RALGAPA1: variants seen among roughly 807,000 people sequenced by gnomAD.
The protein encoded by RALGAPA1 is ral GTPase-activating protein subunit alpha-1.
A neutral mutation model predicts 269.6 loss-of-function variants in RALGAPA1; 52 were observed. The observed-to-expected ratio is 0.19, with a 90% CI of 0.15 to 0.24. The LOEUF (loss-of-function observed/expected upper bound fraction) is 0.24. Among genes scored for constraint, RALGAPA1 ranks in the 10% least tolerant of loss-of-function variants. The pLI is 1.00. For synonymous variants in RALGAPA1, 817 were observed against 1,008.3 expected, an observed-to-expected ratio of 0.81 and a Z score of 3.60; for missense variants, 1,917 against 3,013.9, an observed-to-expected ratio of 0.64 and a Z score of 8.52.
In RALGAPA1 at chr14:35,651,887, A is replaced by C; in HGVS notation, c.5608-14T>G. 1 of 1,594,354 alleles carries C rather than the reference A, an allele frequency of 6.3e-7. No individual in the cohort carries two copies. ...AGCTATTAGGATCTGTAAGCAAAAA[A>C]AAATTTTTTTAAAAGCTCTATATAT... On this transcript the variant is annotated splice_polypyrimidine_tract_variant and intron_variant, in intron 30 of 41. Transcript: ENST00000680220.
chr14:35,545,778 A>C (rs2054399984), intron 41 of RALGAPA1, among the ~76,000 whole-genome samples: 1 of 152,042 alleles, frequency 6.6e-6, no homozygotes, highest in Admixed American at 6.5e-5. Flanking sequence ...TCTTATTACA[A>C]AATAAAAAAA....
rs200123654 is a variant in RALGAPA1, at chr14:35,792,815, A to C, written c.106+15915T>G. Among the ~76,000 whole-genome samples, 6 of 131,134 alleles carry C rather than the reference A, an allele frequency of 4.6e-5. No individual in the cohort carries two copies. The South Asian group carries it at 1.5e-3, about 33-fold the overall frequency. 86.0% of individuals were successfully genotyped at this position (131,134 alleles called of 152,430 possible). On this transcript the variant is annotated intron_variant, in intron 1 of 41. Transcript: ENST00000680220. ...AAAAAGAAAGAAAGAGAAAGAAAGA[A>C]AGAGAAAGAAAGAAAGAAAGAAAGA...
intron 33 of RALGAPA1, among the ~76,000 whole-genome samples, chr14:35,631,559 C>A (rs954286522): frequency 3.3e-5 from 5 of 152,108 alleles, no homozygotes; most frequent in African/African-American, 9.7e-5. Flanking sequence ...ATAGATGACT[C>A]ATTCTAAGCA....
chr14:35,694,576 C>T (rs1460462869), intron 17 of RALGAPA1, among the ~76,000 whole-genome samples: 1 of 151,588 alleles, frequency 6.6e-6, no homozygotes, highest in Non-Finnish European at 1.5e-5. Context: ...AAATCAAGCT[C>T]AATAGTTTTC....
intron 16 of RALGAPA1, 56 bp downstream of exon 16, chr14:35,721,632 C>A: frequency 7.0e-7 from 1 of 1,420,032 alleles, no homozygotes; most frequent in South Asian, 1.4e-5. Context: ...AAATTGTTAC[C>A]AAGGACTATA....
chr14:35,760,876 G>A lies in RALGAPA1; in HGVS notation c.500C>T (p.Pro167Leu). ...ATTAATGAGATTATCTAAAGTTCGA[G>A]GTCCATGTTCAGACTGTGGTGCTGA... ...GFSAPQSEHGPRTLDNLINPP... is the reference protein window; with the variant it reads ...GFSAPQSEHGLRTLDNLINPP... Residue 167 changes from proline to leucine, a missense_variant, in exon 6 of 42, where the codon CCT becomes CTT. By Grantham distance (98) the Pro-to-Leu change is moderately conservative (BLOSUM62 -3). Around this residue, in one of 11 missense-constraint regions of RALGAPA1, gnomAD observed 462 missense variants for 725.6 expected, o/e 0.64. Transcript: ENST00000680220. 6.2e-7 allele frequency: 1 copy of A among 1,612,174 alleles called. No individual in the cohort carries two copies. The highest frequency in any genetic ancestry group is 8.5e-7 in the Non-Finnish European group (1 of 1,179,106).
chr14:35,798,477 T>C (rs1245083301), intron 1 of RALGAPA1, among the ~76,000 whole-genome samples: 2 of 152,208 alleles, frequency 1.3e-5, no homozygotes, highest in Non-Finnish European at 2.9e-5. Context: ...ATGCCCAGCC[T>C]GTAAGAGAAG....
intron 4 of RALGAPA1, among the ~76,000 whole-genome samples, chr14:35,763,636 C>T (rs530052975): frequency 2.6e-5 from 4 of 151,894 alleles, no homozygotes; most frequent in East Asian, 1.9e-4. Context: ...ACTATTCCAC[C>T]GTATGAACAT....
chr14:35,688,053 T>G (rs559950081), intron 18 of RALGAPA1, among the ~76,000 whole-genome samples: 24 of 152,200 alleles, frequency 1.6e-4, no homozygotes, highest in Admixed American at 1.3e-3. Context: ...ATAAGTGAAA[T>G]CAGTTAGATA....
In RALGAPA1 at chr14:35,688,608, G is replaced by A. The variant is rs2066178924; in HGVS notation, c.3803C>T (p.Ser1268Phe). The part of the protein sequence containing the change: ...SSHEAGLQQG[S>F]LGGVYKTVVH... ...AACAGTTTTATAAACGCCACCCAGG[G>A]AGCCCTGCTGTAGTCCTGCCTCATG... The change falls in exon 18 of 42, where the codon TCC becomes TTC. Residue 1268 changes from serine (S) to phenylalanine (F), a missense_variant. Ser to Phe is a radical substitution (Grantham distance 155). Transcript: ENST00000680220. 7.8e-6 allele frequency: 12 copies of A among 1,535,388 alleles called. No homozygotes were observed. Among genetic ancestry groups the A allele is most frequent in the Non-Finnish European group, 1.0e-5 (12 of 1,146,784 alleles).
intron 4 of RALGAPA1, chr14:35,766,005 C>T (rs10152105): frequency 0.12 from 168,775 of 1,405,892 alleles, 10,664 homozygotes; most frequent in Middle Eastern, 0.14. Context: ...GCAGAATCTC[C>T]ACTTTGAGAA....
At chr14:35,541,874 T>A (rs755153991) in intron 41 of RALGAPA1, 19 of 468,612 alleles carry the variant, frequency 4.1e-5, no homozygotes, top group Non-Finnish European at 6.7e-5. Flanking sequence ...AGATAACAGA[T>A]ATGAGAGACA....
intron 39 of RALGAPA1, among the ~76,000 whole-genome samples, chr14:35,562,899 T>TA (rs1281207961): frequency 6.6e-5 from 10 of 151,608 alleles, no homozygotes; most frequent in Non-Finnish European, 1.5e-5. Flanking sequence ...CATGCACCTG[T>TA]AGTCCCAGCG....
chr14:35,758,930 T>C (rs889130044), intron 6 of RALGAPA1, among the ~76,000 whole-genome samples: 2 of 151,984 alleles, frequency 1.3e-5, no homozygotes, highest in Non-Finnish European at 1.5e-5. Context: ...CCAGGCAACA[T>C]AGCAAGACCC....
intron 39 of RALGAPA1, among the ~76,000 whole-genome samples, chr14:35,552,338 T>C (rs1439801218): frequency 6.6e-6 from 1 of 152,122 alleles, no homozygotes; most frequent in Non-Finnish European, 1.5e-5. Context: ...TCCAAAGCAG[T>C]TAATTCCTAT....
chr14:35,605,826 C>T, intron 35 of RALGAPA1, 117 bp from the exon 36 acceptor site: 4 of 1,215,654 alleles, frequency 3.3e-6, no homozygotes, highest in Non-Finnish European at 4.5e-6. Flanking sequence ...AGAATTAGAT[C>T]TTATAGTCTA....
intron 8 of RALGAPA1, among the ~76,000 whole-genome samples, chr14:35,751,746 A>T (rs2072711617): frequency 6.6e-6 from 1 of 151,502 alleles, no homozygotes; most frequent in African/African-American, 2.4e-5. Context: ...ATGCCATTGC[A>T]CTCCAGCCTC....
In RALGAPA1 at chr14:35,800,884, A is replaced by G. The variant is rs141312944; in HGVS notation, c.106+7846T>C. 5.3e-4 allele frequency among the ~76,000 whole-genome samples: 81 copies of G among 152,176 alleles called. 1 individual carries two copies. The East Asian group carries it at 0.015, about 27-fold the overall frequency. The stretch of plus-strand genomic sequence containing the variant: ...GCCAGGCGGGGTGGCGCATGCCTGT[A>G]GTCCCAGCTACTCGGGAGGCTGAGG... On this transcript the variant is annotated intron_variant, in intron 1 of 41. Transcript: ENST00000680220.
intron 31 of RALGAPA1, among the ~76,000 whole-genome samples, chr14:35,650,202 C>T (rs1321101976): frequency 6.6e-6 from 1 of 151,748 alleles, no homozygotes; most frequent in African/African-American, 2.4e-5. Context: ...TGAGACCCCC[C>T]CGCCCCCGAC....
Sources: allele counts gnomAD v4.1 joint callset (sites outside exome capture counted in the v4.1 genomes callset), GRCh38; gene constraint gnomAD v4.1.1; regional missense constraint gnomAD v4.1.1; transcripts MANE v1.5; gene names NCBI Gene and HGNC (gene_info 2026-07-23, HGNC 2026-07-21).